WDR45B: variants seen among roughly 807,000 people sequenced by gnomAD.
The protein encoded by WDR45B is WD repeat domain 45B, also known as WD repeat domain phosphoinositide-interacting protein 3.
A neutral mutation model predicts 44.6 loss-of-function variants in WDR45B; 20 were observed. The ratio of observed to expected loss-of-function variants is 0.45; its 90% CI spans 0.32 to 0.65. The LOEUF (loss-of-function observed/expected upper bound fraction) is 0.65. Ranked by LOEUF, WDR45B falls within the 30% of genes least tolerant of loss-of-function variation. WDR45B has a pLI of 0.05. For synonymous variants in WDR45B, 169 were observed against 164.9 expected (o/e 1.02, Z -0.19); for missense variants, 323 against 430.2 (o/e 0.75, Z 2.20).
intron 5 of WDR45B, among the ~76,000 whole-genome samples, chr17:82,625,116 T>C (rs2143287653): frequency 6.6e-6 from 1 of 152,184 alleles, no homozygotes; most frequent in Admixed American, 6.5e-5. Context: ...GGTGAAAACA[T>C]AGGTTCCTGG....
Position 82,648,309 on chromosome 17 carries a change from T to C in WDR45B, c.32A>G (p.Asn11Ser), listed in dbSNP as rs1441643469. The C allele has an allele frequency of 1.2e-6, 2 of 1,606,864 alleles. No homozygotes were observed. Among genetic ancestry groups the C allele is most frequent in the African/African-American group, 2.7e-5 (2 of 74,246 alleles). The change falls in exon 1 of 10, where the codon AAC becomes AGC. Residue 11 changes from asparagine to serine, a missense_variant. Asn to Ser is a conservative substitution (Grantham distance 46). Transcript: ENST00000392325. MNLLPCNPHG[N>S]GLLYAGFNQD... ...GTTGAAGCCGGCGTAGAGCAGCCCG[T>C]TGCCGTGAGGGTTACACGGCAGGAG... is the stretch of plus-strand genomic sequence containing the variant.
rs188412286 is a variant in WDR45B at position 82,626,855 on chromosome 17, G to C, written c.332+349C>G. On this transcript the variant is annotated intron_variant, in intron 4 of 9. Coordinates refer to ENST00000392325, the MANE Select transcript of WDR45B (RefSeq NM_019613.4). ...TGAGAGGCAGCATTTGGCAAAGCAG[G>C]GGCTAAAAGCCCAGGGTAATTCAAG... 13 of 316,826 alleles carry C rather than the reference G, an allele frequency of 4.1e-5. No individual in the cohort carries two copies. In the East Asian group the frequency reaches 9.4e-4, roughly 23 times the overall value. The allele number at this position is 316,826 out of a possible 1,614,324, so 19.6% of individuals were successfully genotyped here.
chr17:82,618,555 C>T (rs553233182), intron 7 of WDR45B, among the ~76,000 whole-genome samples: 1 of 152,288 alleles, frequency 6.6e-6, no homozygotes, highest in Admixed American at 6.5e-5. Context: ...CCAGCCAGGG[C>T]AGCAGCGAGA....
At chr17:82,638,791 A>T (rs1156988038) in intron 2 of WDR45B, among the ~76,000 whole-genome samples, 1 of 152,122 alleles carries the variant, frequency 6.6e-6, no homozygotes, top group Non-Finnish European at 1.5e-5. Context: ...CAACACAGAA[A>T]AGCATAAAGT....
intron 3 of WDR45B, chr17:82,629,575 T>C: frequency 1.0e-6 from 1 of 985,510 alleles, no homozygotes; most frequent in South Asian, 4.7e-5. Context: ...TCTCAAGCCC[T>C]GTCTTCCACT....
At chr17:82,644,423 A>T in intron 1 of WDR45B, 1 of 265,688 alleles carries the variant, frequency 3.8e-6, no homozygotes, top group Non-Finnish European at 7.4e-6. Context: ...GACAAGAGGT[A>T]GTCCTAGACT....
intron 3 of WDR45B, 69 bp from the exon 4 acceptor site, chr17:82,627,360 A>G (rs1054026206): frequency 2.3e-6 from 3 of 1,326,036 alleles, no homozygotes; most frequent in Non-Finnish European, 3.2e-6. Flanking sequence ...CAGCGATGCC[A>G]GCTTGGCGCC....
intron 4 of WDR45B, chr17:82,626,065 T>C (rs535916017): frequency 6.2e-6 from 1 of 160,340 alleles, no homozygotes; most frequent in South Asian, 1.7e-4. Flanking sequence ...GTATTTTTAG[T>C]AGAGATGGGG....
At chr17:82,639,898 TTGTG>T (rs1362456625) in intron 2 of WDR45B, among the ~76,000 whole-genome samples, 1 of 38,632 alleles carries the variant, frequency 2.6e-5, no homozygotes, top group Admixed American at 3.2e-4. Flanking sequence ...GGCTGCTGGG[TTGTG>T]TGTGTGTCGG....
At position 82,627,247 on chromosome 17, in the gene WDR45B, C is replaced by T. The variant is rs1278877839; in HGVS notation, c.289G>A (p.Glu97Lys). ...DLKKKTVIEIEFSTEVKAVKL... is the reference protein window; with the variant it reads ...DLKKKTVIEIKFSTEVKAVKL... ...ACTGCCTTGACTTCTGTAGAAAATTCTATTTCAATAACAGTCTTCTTCTTC... is the reference window on the plus strand; with the variant it reads ...ACTGCCTTGACTTCTGTAGAAAATTTTATTTCAATAACAGTCTTCTTCTTC... Residue 97 changes from glutamate (E) to lysine (K), a missense_variant, in exon 4 of 10, where the codon GAA (glutamate) becomes AAA (lysine). Glu to Lys is a moderately conservative substitution (Grantham distance 56, BLOSUM62 1). Transcript: ENST00000392325. 1 of 1,613,756 alleles carries T rather than the reference C, an allele frequency of 6.2e-7. No individual in the cohort carries two copies. The highest frequency in any genetic ancestry group is 8.5e-7 in the Non-Finnish European group (1 of 1,180,006).
chr17:82,637,912 G>A (rs1168013344), intron 2 of WDR45B, among the ~76,000 whole-genome samples: 3 of 151,502 alleles, frequency 2.0e-5, no homozygotes, highest in African/African-American at 7.3e-5. Flanking sequence ...GGTGGTTAAT[G>A]CCTGTAATCC....
chr17:82,627,969 A>G (rs1445911683), intron 3 of WDR45B, among the ~76,000 whole-genome samples: 3 of 152,114 alleles, frequency 2.0e-5, no homozygotes, highest in Admixed American at 6.5e-5. Context: ...CACTCCACTC[A>G]AGGTCCTGGG....
intron 2 of WDR45B, among the ~76,000 whole-genome samples, chr17:82,631,499 G>A (rs2045767057): frequency 6.8e-6 from 1 of 147,426 alleles, no homozygotes; most frequent in South Asian, 2.2e-4. Context: ...TGGCCAGGCT[G>A]ATCTCAAACT....
chr17:82,619,342 C>A (rs1307372858), intron 6 of WDR45B, among the ~76,000 whole-genome samples: 1 of 152,126 alleles, frequency 6.6e-6, no homozygotes, highest in Non-Finnish European at 1.5e-5. Context: ...CGGCACTGGG[C>A]ACAAGTCAAG....
chr17:82,632,081 A>G (rs2045775499), intron 2 of WDR45B, among the ~76,000 whole-genome samples: 1 of 142,360 alleles, frequency 7.0e-6, no homozygotes, highest in Non-Finnish European at 1.5e-5. Flanking sequence ...CTCTATCTCA[A>G]GATAAATAAA....
At chr17:82,627,979 G>C (rs927367698) in intron 3 of WDR45B, among the ~76,000 whole-genome samples, 1 of 152,218 alleles carries the variant, frequency 6.6e-6, no homozygotes, top group Non-Finnish European at 1.5e-5. Flanking sequence ...AAGGTCCTGG[G>C]TTGTTCTTCC....
At chr17:82,625,648 T>G in intron 4 of WDR45B, 165 bp from the exon 5 acceptor site, 1 of 711,434 alleles carries the variant, frequency 1.4e-6, no homozygotes, top group South Asian at 1.6e-5. Context: ...GCGCCAGGCC[T>G]GGAGCTCGGC....
intron 2 of WDR45B, among the ~76,000 whole-genome samples, chr17:82,633,908 G>A (rs534226169): frequency 3.4e-4 from 51 of 152,016 alleles, no homozygotes; most frequent in African/African-American, 8.4e-4. Context: ...TCAGCACTTC[G>A]GGAGGCAAGG....
intron 5 of WDR45B, among the ~76,000 whole-genome samples, chr17:82,624,698 G>A (rs371607778): frequency 0.016 from 2,294 of 139,984 alleles, no homozygotes; most frequent in African/African-American, 0.04. Context: ...GGCTCACTGC[G>A]ACCTCTACCT....
Sources: gnomAD v4.1 joint callset for allele counts (sites outside exome capture counted in the v4.1 genomes callset) on GRCh38, gnomAD v4.1.1 for gene constraint, MANE v1.5 for transcripts, NCBI Gene and HGNC (gene_info 2026-07-23, HGNC 2026-07-21) for gene names.